Variants in SUGCT observed in about 807,000 individuals in gnomAD.
The protein encoded by SUGCT is succinyl-CoA:glutarate CoA-transferase.
In SUGCT, 41 loss-of-function variants were observed where a neutral mutation model predicts 55.0. The ratio of observed to expected loss-of-function variants is 0.74; its 90% CI spans 0.58 to 0.97. The LOEUF (loss-of-function observed/expected upper bound fraction) is 0.97. Ranked by LOEUF, SUGCT falls within the 50% of genes least tolerant of loss-of-function variation. The pLI is 0.00. For synonymous variants in SUGCT, 187 were observed against 200.4 expected (o/e 0.93, Z 0.56); for missense variants, 568 against 547.8 (o/e 1.04, Z -0.37).
intron 7 of SUGCT, among the ~76,000 whole-genome samples, chr7:40,272,165 T>C (rs1792096687): frequency 1.1e-5 from 1 of 87,724 alleles, no homozygotes; most frequent in Non-Finnish European, 2.1e-5. Flanking sequence ...TATATATATA[T>C]ATATATATAT....
At chr7:40,654,858 C>T (rs893620185) in intron 12 of SUGCT, among the ~76,000 whole-genome samples, 3 of 152,130 alleles carry the variant, frequency 2.0e-5, no homozygotes, top group African/African-American at 4.8e-5. Context: ...TACAGATTTA[C>T]GTCTGCACAC....
chr7:40,291,162 C>A (rs1793723026), intron 8 of SUGCT, among the ~76,000 whole-genome samples: 1 of 152,058 alleles, frequency 6.6e-6, no homozygotes, highest in Non-Finnish European at 1.5e-5. Context: ...TGGGTATATA[C>A]CCAAAGGATT....
chr7:40,472,753 G>A (rs1790464622), intron 11 of SUGCT, among the ~76,000 whole-genome samples: 1 of 152,166 alleles, frequency 6.6e-6, no homozygotes, highest in South Asian at 2.1e-4. Context: ...AGCCCATAAT[G>A]GCACAGAACA....
chr7:40,270,230 T>G (rs1791919277), intron 7 of SUGCT, among the ~76,000 whole-genome samples: 2 of 152,088 alleles, frequency 1.3e-5, no homozygotes, highest in African/African-American at 4.8e-5. Context: ...GTCCTTTCAC[T>G]TTCTTGATGG....
chr7:40,323,143 C>T (rs183847344), intron 9 of SUGCT, among the ~76,000 whole-genome samples: 1 of 152,076 alleles, frequency 6.6e-6, no homozygotes, highest in African/African-American at 2.4e-5. Context: ...GTCATTTCTC[C>T]TGTCATCAGT....
In SUGCT at chr7:40,167,552, C is replaced by T. The variant is rs192344246; in HGVS notation, c.101-13395C>T. Among the ~76,000 whole-genome samples, 411 of 152,270 alleles carry T rather than the reference C, an allele frequency of 2.7e-3. 1 individual carries two copies. Among genetic ancestry groups the T allele is most frequent in the South Asian group, 5.0e-3 (24 of 4,824 alleles). On this transcript the variant is annotated intron_variant, in intron 1 of 13. Coordinates refer to ENST00000335693, the MANE Select transcript of SUGCT (RefSeq NM_001193313.2). ...GCCTTTTGTTCTCTGACCTGGGGTTCTTGACCTCACGGATTCCAAGGAATG... is the reference window on the plus strand; with the variant it reads ...GCCTTTTGTTCTCTGACCTGGGGTTTTTGACCTCACGGATTCCAAGGAATG...
At chr7:40,963,081 A>G in the SUGCT span, among the ~76,000 whole-genome samples, 2 of 152,150 alleles carry the variant, frequency 1.3e-5, no homozygotes, top group South Asian at 2.1e-4. Flanking sequence ...CCAGCCCTGT[A>G]CTTTCACATG....
At chr7:40,875,418 A>G in the SUGCT span, among the ~76,000 whole-genome samples, 1 of 152,188 alleles carries the variant, frequency 6.6e-6, no homozygotes, top group East Asian at 1.9e-4. Flanking sequence ...AACAGCACCC[A>G]GTTGTTCAGT....
the SUGCT span, among the ~76,000 whole-genome samples, chr7:41,002,580 T>C: frequency 6.9e-6 from 1 of 145,936 alleles, no homozygotes; most frequent in Non-Finnish European, 1.5e-5. Context: ...TGAGTGTCCA[T>C]TTTAGATTTA....
At position 40,615,308 on chromosome 7, in the gene SUGCT, T is replaced by TTA. The variant is rs1798948970; in HGVS notation, c.1089+118922_1089+118923insTA. 2.0e-5 allele frequency among the ~76,000 whole-genome samples: 3 copies of TTA among 152,174 alleles called. No homozygotes were observed. The East Asian group carries it at 5.8e-4, about 29-fold the overall frequency. ...AATATAGATTAACAAGCAATTTTTT[T>TTA]AACACAGATTTTAACAAAAATGTTT... is the stretch of plus-strand genomic sequence containing the variant. On this transcript the variant is annotated intron_variant, in intron 12 of 13. Coordinates refer to ENST00000335693, the MANE Select transcript of SUGCT (RefSeq NM_001193313.2).
At chr7:40,374,414 C>T (rs917440739) in intron 9 of SUGCT, among the ~76,000 whole-genome samples, 3 of 152,070 alleles carry the variant, frequency 2.0e-5, no homozygotes, top group African/African-American at 7.2e-5. Flanking sequence ...TTAACCTGAG[C>T]GTTCAAGCTC....
At chr7:40,831,702 G>A (rs991000949) in intron 13 of SUGCT, among the ~76,000 whole-genome samples, 18 of 152,098 alleles carry the variant, frequency 1.2e-4, no homozygotes, top group African/African-American at 4.3e-4. Context: ...CTTGAGTTCC[G>A]ACTGTGAACA....
At chr7:41,008,918 G>A in the SUGCT span, among the ~76,000 whole-genome samples, 5 of 152,076 alleles carry the variant, frequency 3.3e-5, no homozygotes, top group African/African-American at 4.8e-5. Flanking sequence ...GTCTGGTCCC[G>A]ATGCATGGTG....
In SUGCT at chr7:40,344,365, G is replaced by A. The variant is rs539343719; in HGVS notation, c.816+27510G>A. ...CCTTGGGCTTATTTATTTCATTTTCGATATTGCAGGGGTGGGCAAACTAGG... is the reference window on the plus strand; with the variant it reads ...CCTTGGGCTTATTTATTTCATTTTCAATATTGCAGGGGTGGGCAAACTAGG... On this transcript the variant is annotated intron_variant, in intron 9 of 13. Coordinates refer to ENST00000335693, the MANE Select transcript of SUGCT (RefSeq NM_001193313.2). 2.0e-5 allele frequency among the ~76,000 whole-genome samples: 3 copies of A among 151,870 alleles called. No homozygotes were observed. In the South Asian group the frequency reaches 6.2e-4, roughly 32 times the overall value.
chr7:40,891,326 TAAAC>T, the SUGCT span, among the ~76,000 whole-genome samples: 1 of 151,982 alleles, frequency 6.6e-6, no homozygotes, highest in Admixed American at 6.6e-5. Flanking sequence ...CCAAATAGGT[TAAAC>T]GTAAGGAGAT....
chr7:40,269,364 C>G (rs1280136740), intron 7 of SUGCT, among the ~76,000 whole-genome samples: 1 of 151,444 alleles, frequency 6.6e-6, no homozygotes, highest in African/African-American at 2.4e-5. Flanking sequence ...GCTCTGTTAC[C>G]CAGGCTAGAG....
chr7:40,368,355 A>T (rs1784118377), intron 9 of SUGCT, among the ~76,000 whole-genome samples: 1 of 151,782 alleles, frequency 6.6e-6, no homozygotes, highest in African/African-American at 2.4e-5. Flanking sequence ...ATACCACCAC[A>T]CCCAGCTAAT....
intron 12 of SUGCT, among the ~76,000 whole-genome samples, chr7:40,617,714 C>A (rs1266102448): frequency 6.6e-6 from 1 of 152,136 alleles, no homozygotes; most frequent in Non-Finnish European, 1.5e-5. Flanking sequence ...ATTCTAAACA[C>A]TGAAAACCAA....
chr7:40,885,244 C>T, the SUGCT span, among the ~76,000 whole-genome samples: 12 of 152,092 alleles, frequency 7.9e-5, no homozygotes, highest in Non-Finnish European at 1.6e-4. Flanking sequence ...CAACGGTCCT[C>T]CAAGGGCACC....
Sources: allele counts gnomAD v4.1 joint callset (sites outside exome capture counted in the v4.1 genomes callset), GRCh38; gene constraint gnomAD v4.1.1; transcripts MANE v1.5; gene names NCBI Gene and HGNC (gene_info 2026-07-23, HGNC 2026-07-21).